Variants in PARP14 observed in about 807,000 individuals in gnomAD.
PARP14 encodes the protein protein mono-ADP-ribosyltransferase PARP14.
A neutral mutation model predicts 154.2 loss-of-function variants in PARP14; 59 were observed. The observed-to-expected ratio is 0.38, with a 90% CI of 0.31 to 0.48. PARP14 has a LOEUF of 0.48. Among genes scored for constraint, PARP14 ranks in the 20% least tolerant of loss-of-function variants. The probability of loss-of-function intolerance (pLI) is 0.98; values close to 1 mark genes in which losing one functional copy is unlikely to be tolerated. For missense variants in PARP14, 1,734 were observed against 2,131.6 expected (o/e 0.81, Z 3.67); for synonymous variants, 720 against 780.5 (o/e 0.92, Z 1.29).
In PARP14 at chr3:122,700,568, G is replaced by A; in HGVS notation, c.2014G>A (p.Glu672Lys). 2 of 1,594,564 alleles carry A rather than the reference G, an allele frequency of 1.3e-6. No individual in the cohort carries two copies. The highest frequency in any genetic ancestry group is 1.7e-6 in the Non-Finnish European group (2 of 1,169,594). The change falls in exon 6 of 17, where the codon GAG (glutamate) becomes AAG (lysine). Residue 672 changes from glutamate (E) to lysine (K), a missense_variant. Glu to Lys is a moderately conservative substitution (Grantham distance 56). This residue lies in a region of PARP14 where 1,646 missense variants were observed against 1,976.0 expected (regional missense o/e 0.83). Transcript: ENST00000474629. ...CTTCGTTGAACAAAACATGAAAATA[G>A]AGAGACTGGTTGAAGTAAAGCCTTC... is the stretch of plus-strand genomic sequence containing the variant. Reference protein sequence around the residue: ...FNFVEQNMKIERLVEVKPSLV... With the variant: ...FNFVEQNMKIKRLVEVKPSLV...
At chr3:122,721,294 A>T (rs1334619868) in intron 15 of PARP14, 1 of 181,586 alleles carries the variant, frequency 5.5e-6, no homozygotes, top group Admixed American at 5.6e-5. Flanking sequence ...GGCCTAAAAA[A>T]ATCTCCACTT....
intron 3 of PARP14, among the ~76,000 whole-genome samples, chr3:122,692,003 T>C (rs1304211330): frequency 6.6e-6 from 1 of 152,190 alleles, no homozygotes; most frequent in African/African-American, 2.4e-5. Context: ...GAGGTTAATA[T>C]ATGTACCCAC....
At chr3:122,703,648 T>G in intron 6 of PARP14, 94 bp from the exon 7 acceptor site, 1 of 676,034 alleles carries the variant, frequency 1.5e-6, no homozygotes, top group Non-Finnish European at 2.6e-6. Context: ...CTTAGTTGTC[T>G]CCAATTGTGC....
Position 122,695,550 on chromosome 3 carries a change from C to G in PARP14, c.723C>G (p.Asp241Glu). ...AAAACCTGCCACCTGGTGCTGATGA[C>G]TACAGTTTAAAACTTTTCTTTGAAA... is the stretch of plus-strand genomic sequence containing the variant. The part of the protein sequence containing the change: ...RVENLPPGAD[D>E]YSLKLFFENP... Residue 241 changes from aspartate to glutamate, a missense_variant, in exon 5 of 17, where the codon GAC becomes GAG. Physicochemically the swap from Asp to Glu is conservative, Grantham distance 45. This residue lies in a region of PARP14 where 1,646 missense variants were observed against 1,976.0 expected (regional missense o/e 0.83). Coordinates refer to ENST00000474629, the MANE Select transcript of PARP14 (RefSeq NM_017554.3). 10 of 1,608,204 alleles carry G rather than the reference C, an allele frequency of 6.2e-6. No individual in the cohort carries two copies. Among genetic ancestry groups the G allele is most frequent in the Non-Finnish European group, 3.4e-6 (4 of 1,175,206 alleles).
At chr3:122,691,069 G>A (rs764823374) in intron 3 of PARP14, among the ~76,000 whole-genome samples, 1 of 152,202 alleles carries the variant, frequency 6.6e-6, no homozygotes, top group African/African-American at 2.4e-5. Context: ...GGACACTACT[G>A]TTGAAACTGA....
chr3:122,688,433 A>G (rs1938441362), intron 3 of PARP14, among the ~76,000 whole-genome samples: 1 of 152,098 alleles, frequency 6.6e-6, no homozygotes, highest in Non-Finnish European at 1.5e-5. Flanking sequence ...GTCCCCTTCC[A>G]CCAATAGACT....
Position 122,700,160 on chromosome 3 carries a change from A to G in PARP14, c.1606A>G (p.Ile536Val). 1.2e-6 allele frequency: 2 copies of G among 1,613,396 alleles called. No homozygotes were observed. Among genetic ancestry groups the G allele is most frequent in the Non-Finnish European group, 1.7e-6 (2 of 1,179,544 alleles). The change falls in exon 6 of 17, where the codon ATT (isoleucine) becomes GTT (valine). Residue 536 changes from isoleucine to valine, a missense_variant. Physicochemically the swap from Ile to Val is conservative, Grantham distance 29. Around this residue, in one of 2 missense-constraint regions of PARP14, gnomAD observed 1,646 missense variants for 1,976.0 expected, o/e 0.83. Transcript: ENST00000474629. Reference protein sequence around the residue: ...EKVYTMAQKNIQVSPEIFQFL... With the variant: ...EKVYTMAQKNVQVSPEIFQFL... ...GGTGTACACCATGGCTCAGAAAAACATTCAGGTTTCTCCTGAGATTTTTCA... is the reference window on the plus strand; with the variant it reads ...GGTGTACACCATGGCTCAGAAAAACGTTCAGGTTTCTCCTGAGATTTTTCA...
chr3:122,696,181 T>G (rs1456041297), intron 5 of PARP14, among the ~76,000 whole-genome samples: 1 of 152,170 alleles, frequency 6.6e-6, no homozygotes, highest in African/African-American at 2.4e-5. Flanking sequence ...AGCTGAACCT[T>G]AGAGAAACAC....
At chr3:122,715,187 C>T (rs1932958544) in intron 12 of PARP14, among the ~76,000 whole-genome samples, 1 of 152,018 alleles carries the variant, frequency 6.6e-6, no homozygotes, top group South Asian at 2.1e-4. Flanking sequence ...TTTAGGAATC[C>T]CTGCTTGGTC....
chr3:122,686,492 T>G (rs1204846463), intron 2 of PARP14, among the ~76,000 whole-genome samples: 1 of 151,860 alleles, frequency 6.6e-6, no homozygotes, highest in African/African-American at 2.4e-5. Context: ...ACTGCTTTCA[T>G]CTGTATCCCA....
At position 122,718,517 on chromosome 3, in the gene PARP14, C is replaced by G. The variant is rs746313840; in HGVS notation, c.4366C>G (p.Pro1456Ala). Residue 1456 changes from proline (P) to alanine (A), a missense_variant, in exon 14 of 17, where the codon CCT (proline) becomes GCT (alanine). Pro to Ala is a conservative substitution (Grantham distance 27, BLOSUM62 -1). Transcript: ENST00000474629. ...AGACCTGATTGAAAAAGAACAGTGT[C>G]CTTACACCAGTGAAGATGAGTGCAT... ...LQDLIEKEQC[P>A]YTSEDECIKD... is the part of the protein sequence containing the mutation. 1.7e-5 allele frequency: 27 copies of G among 1,613,728 alleles called. No individual in the cohort carries two copies. The South Asian group carries it at 2.5e-4, about 15-fold the overall frequency.
At chr3:122,727,779 A>G (rs745520665) in intron 15 of PARP14, 33 bp from the exon 16 acceptor site, 2 of 1,434,368 alleles carry the variant, frequency 1.4e-6, no homozygotes, top group Admixed American at 4.0e-5. Context: ...TGCTCTTGGA[A>G]CTGGCAGAAT....
At chr3:122,722,250 C>T (rs958888822) in intron 15 of PARP14, 2 of 151,878 alleles carry the variant, frequency 1.3e-5, no homozygotes, top group African/African-American at 4.8e-5. Flanking sequence ...TGAACAAAAC[C>T]GATGCCTGAT....
intron 9 of PARP14, among the ~76,000 whole-genome samples, chr3:122,711,215 C>T (rs1445655514): frequency 6.6e-6 from 1 of 152,130 alleles, no homozygotes; most frequent in Non-Finnish European, 1.5e-5. Context: ...ATGATGTTGG[C>T]TGTGGATTTG....
At position 122,708,220 on chromosome 3, in the gene PARP14, A is replaced by G. The variant is rs1272811114; in HGVS notation, c.3571A>G (p.Asn1191Asp). The change falls in exon 9 of 17, where the codon AAT (asparagine) becomes GAT (aspartate). Residue 1191 changes from asparagine (N) to aspartate (D), a missense_variant. Physicochemically the swap from Asn to Asp is conservative, Grantham distance 23. This residue lies in a region of PARP14 where 1,646 missense variants were observed against 1,976.0 expected (regional missense o/e 0.83). Coordinates refer to ENST00000474629, the MANE Select transcript of PARP14 (RefSeq NM_017554.3). ...TTCAGATGAATTTGCCAGAAGGGCT[A>G]ATGGAAATCTCGTCAGTGACAAAAT... ...AFSDEFARRA[N>D]GNLVSDKIPK... 2.5e-6 allele frequency: 4 copies of G among 1,574,290 alleles called. No homozygotes were observed. Among genetic ancestry groups the G allele is most frequent in the Non-Finnish European group, 3.5e-6 (4 of 1,157,112 alleles).
At chr3:122,689,317 T>C (rs964634451) in intron 3 of PARP14, among the ~76,000 whole-genome samples, 1 of 152,168 alleles carries the variant, frequency 6.6e-6, no homozygotes, top group Non-Finnish European at 1.5e-5. Flanking sequence ...TAGAGACCTA[T>C]TTATTTTATT....
rs988590127 is a variant in PARP14 at position 122,725,372 on chromosome 3, G to A, written c.4942-2440G>A. ...CAGAGGTGCTCCCCACCTCCCAGAC[G>A]GGGCAGCGGCCGGGCAAAGGTGCTC... On this transcript the variant is annotated intron_variant, in intron 15 of 16. Transcript: ENST00000474629. Among the ~76,000 whole-genome samples, 8 of 150,162 alleles carry A rather than the reference G, an allele frequency of 5.3e-5. No homozygotes were observed. The East Asian group carries it at 5.9e-4, about 11-fold the overall frequency.
Position 122,703,863 on chromosome 3 carries a change from G to C in PARP14, c.3203G>C (p.Gly1068Ala). 1 of 1,614,022 alleles carries C rather than the reference G, an allele frequency of 6.2e-7. No individual in the cohort carries two copies. Among genetic ancestry groups the C allele is most frequent in the Admixed American group, 1.7e-5 (1 of 60,028 alleles). Residue 1068 changes from glycine (G) to alanine (A), a missense_variant, in exon 7 of 17, where the codon GGG becomes GCG. This residue lies in a region of PARP14 where 1,646 missense variants were observed against 1,976.0 expected (regional missense o/e 0.83). Coordinates refer to ENST00000474629, the MANE Select transcript of PARP14 (RefSeq NM_017554.3). ...GAGGAATTGGACACAGTTGGACAAGGGGTGGCTGTCAGCATGGGCACAGTG... is the reference window on the plus strand; with the variant it reads ...GAGGAATTGGACACAGTTGGACAAGCGGTGGCTGTCAGCATGGGCACAGTG... The part of the protein sequence containing the change: ...LQEELDTVGQ[G>A]VAVSMGTVLK...
intron 15 of PARP14, among the ~76,000 whole-genome samples, chr3:122,726,947 G>C (rs916112484): frequency 1.5e-5 from 2 of 129,286 alleles, no homozygotes; most frequent in Admixed American, 8.7e-5. Flanking sequence ...CCGAGACTTT[G>C]AATTAGAGTG....
Sources: gnomAD v4.1 joint callset for allele counts (sites outside exome capture counted in the v4.1 genomes callset) on GRCh38, gnomAD v4.1.1 for gene constraint, gnomAD v4.1.1 regional missense constraint, MANE v1.5 for transcripts, NCBI Gene and HGNC (gene_info 2026-07-23, HGNC 2026-07-21) for gene names.